DLC1: variants seen among roughly 807,000 people sequenced by gnomAD.
DLC1 encodes the protein DLC1 Rho GTPase activating protein, also known as rho GTPase-activating protein 7.
Under a neutral mutation model 140.3 loss-of-function variants are expected in DLC1, and 54 were observed. That is an observed-to-expected ratio of 0.38 (90% CI 0.31 to 0.48). The LOEUF is 0.48. DLC1 is among the 20% of genes least tolerant of loss of function. DLC1 has a pLI of 0.96. For synonymous variants in DLC1, 986 were observed against 728.1 expected (o/e 1.35, Z -5.70); for missense variants, 2,536 against 1,907.0 (o/e 1.33, Z -6.14).
intron 1 of DLC1, among the ~76,000 whole-genome samples, chr8:13,524,371 C>T (rs192208759): frequency 2.0e-5 from 3 of 152,074 alleles, no homozygotes; most frequent in Admixed American, 2.0e-4. Context: ...CTCCTGACCT[C>T]AAGTGATCTA....
At chr8:13,105,959 G>A (rs1311116262) in intron 7 of DLC1, among the ~76,000 whole-genome samples, 2 of 152,196 alleles carry the variant, frequency 1.3e-5, no homozygotes, top group Non-Finnish European at 2.9e-5. Context: ...CTCACACAGT[G>A]GCTGATATGC....
At chr8:13,170,449 G>T (rs1425921060) in intron 5 of DLC1, among the ~76,000 whole-genome samples, 1 of 152,074 alleles carries the variant, frequency 6.6e-6, no homozygotes, top group Non-Finnish European at 1.5e-5. Context: ...TGTGTTTCCG[G>T]GCCGGGCGCG....
intron 2 of DLC1, among the ~76,000 whole-genome samples, chr8:13,487,370 A>C (rs193234114): frequency 2.0e-5 from 3 of 152,254 alleles, no homozygotes; most frequent in Non-Finnish European, 4.4e-5. Flanking sequence ...TTGGAAATTC[A>C]TCAATGAATT....
chr8:13,365,740 C>T (rs1835449544), intron 4 of DLC1, among the ~76,000 whole-genome samples: 1 of 152,048 alleles, frequency 6.6e-6, no homozygotes, highest in African/African-American at 2.4e-5. Flanking sequence ...GAATGTGAGG[C>T]ATGTCTCACC....
intron 5 of DLC1, chr8:13,276,923 T>G (rs1017645553): frequency 8.5e-5 from 13 of 152,334 alleles, no homozygotes; most frequent in African/African-American, 2.9e-4. Context: ...GGTTTTAGAT[T>G]AGGCGGTTGA....
In DLC1 at chr8:13,277,075, C is replaced by T. The variant is rs568945588; in HGVS notation, c.1348+28194G>A. 2.0e-5 allele frequency among the ~76,000 whole-genome samples: 3 copies of T among 152,234 alleles called. No individual in the cohort carries two copies. In the South Asian group the frequency reaches 6.2e-4, roughly 32 times the overall value. ...CTGTGGCTCACGCCTGTTCCCAGCA[C>T]CTGGAAAGGCTGAGGCTGGAGGATC... On this transcript the variant is annotated intron_variant, in intron 5 of 17. Coordinates refer to ENST00000276297, the MANE Select transcript of DLC1 (RefSeq NM_182643.3).
At chr8:13,253,700 C>G (rs1241826271) in intron 5 of DLC1, among the ~76,000 whole-genome samples, 1 of 152,148 alleles carries the variant, frequency 6.6e-6, no homozygotes, top group Non-Finnish European at 1.5e-5. Context: ...CCTGCTTTCC[C>G]CAGGCTGCAC....
At chr8:13,395,833 A>G (rs369532824) in intron 3 of DLC1, among the ~76,000 whole-genome samples, 1 of 150,826 alleles carries the variant, frequency 6.6e-6, no homozygotes, top group South Asian at 2.1e-4. Context: ...GATCAGGGCC[A>G]TGTCTTCTTC....
At chr8:13,350,672 C>A (rs1490731480) in intron 4 of DLC1, among the ~76,000 whole-genome samples, 1 of 151,974 alleles carries the variant, frequency 6.6e-6, no homozygotes, top group Non-Finnish European at 1.5e-5. Flanking sequence ...GCCTAGATGG[C>A]ACCACTGCAC....
At chr8:13,260,717 T>C (rs928145061) in intron 5 of DLC1, among the ~76,000 whole-genome samples, 2 of 151,984 alleles carry the variant, frequency 1.3e-5, no homozygotes, top group African/African-American at 4.8e-5. Context: ...GTACTTTGAG[T>C]TTCAGCAATT....
intron 2 of DLC1, among the ~76,000 whole-genome samples, chr8:13,467,570 C>T (rs976535655): frequency 9.9e-5 from 15 of 151,932 alleles, no homozygotes; most frequent in African/African-American, 3.6e-4. Context: ...GAGACCCTGT[C>T]TTTACAAAAA....
intron 3 of DLC1, among the ~76,000 whole-genome samples, chr8:13,398,386 G>A (rs1837144197): frequency 6.6e-6 from 1 of 152,066 alleles, no homozygotes; most frequent in African/African-American, 2.4e-5. Flanking sequence ...ACAGAATGTT[G>A]TGGTGAGAGA....
intron 2 of DLC1, among the ~76,000 whole-genome samples, chr8:13,467,781 G>T (rs1800006550): frequency 6.6e-6 from 1 of 151,958 alleles, no homozygotes; most frequent in African/African-American, 2.4e-5. Context: ...TACTTTTTCT[G>T]CATCTCTTCA....
chr8:13,265,184 G>T (rs1830634431), intron 5 of DLC1, among the ~76,000 whole-genome samples: 1 of 152,166 alleles, frequency 6.6e-6, no homozygotes, highest in Non-Finnish European at 1.5e-5. Context: ...CAAGGGGATA[G>T]CTTAAATTAT....
intron 1 of DLC1, among the ~76,000 whole-genome samples, chr8:13,545,511 C>T (rs183356737): frequency 2.0e-5 from 3 of 152,032 alleles, no homozygotes. Flanking sequence ...GATCATGATG[C>T]ATTGTATGAC....
chr8:13,416,363 C>T (rs369707662), intron 2 of DLC1, among the ~76,000 whole-genome samples: 1 of 152,126 alleles, frequency 6.6e-6, no homozygotes, highest in East Asian at 1.9e-4. Context: ...ATGATGAATA[C>T]CATGTGATGT....
At chr8:13,254,933 C>T (rs1416936109) in intron 5 of DLC1, among the ~76,000 whole-genome samples, 2 of 151,948 alleles carry the variant, frequency 1.3e-5, no homozygotes, top group Non-Finnish European at 2.9e-5. Flanking sequence ...CCTTGAGTTA[C>T]TATATGATCT....
intron 4 of DLC1, among the ~76,000 whole-genome samples, chr8:13,329,474 C>G (rs1297803547): frequency 6.6e-6 from 1 of 152,136 alleles, no homozygotes; most frequent in Admixed American, 6.5e-5. Flanking sequence ...CCAGTCATCA[C>G]CTAATCTATA....
At chr8:13,537,419 A>G (rs977826413) in intron 1 of DLC1, among the ~76,000 whole-genome samples, 26 of 152,276 alleles carry the variant, frequency 1.7e-4, no homozygotes, top group African/African-American at 5.8e-4. Context: ...AAACACTGAA[A>G]ATGTCTGAAA....
Sources: allele counts gnomAD v4.1 joint callset (sites outside exome capture counted in the v4.1 genomes callset), GRCh38; gene constraint gnomAD v4.1.1; transcripts MANE v1.5; gene names NCBI Gene and HGNC (gene_info 2026-07-23, HGNC 2026-07-21).